SBNO2: variants seen among roughly 807,000 people sequenced by gnomAD.
The protein encoded by SBNO2 is protein strawberry notch homolog 2.
SBNO2 carries 89 observed loss-of-function variants against 146.3 expected under a neutral mutation model. That is an observed-to-expected ratio of 0.61 (90% confidence interval 0.51 to 0.73). SBNO2 has a LOEUF of 0.73. Among genes scored for constraint, SBNO2 ranks in the 30% least tolerant of loss-of-function variants. SBNO2 has a pLI of 0.00. For synonymous variants in SBNO2, 1,147 were observed against 892.6 expected, an observed-to-expected ratio of 1.29 and a Z score of -5.08; for missense variants, 2,092 against 2,003.7, an observed-to-expected ratio of 1.04 and a Z score of -0.84.
rs1046650758 is a variant in SBNO2 at position 1,112,658 on chromosome 19, C to T, written c.2380-121G>A. The T allele has an allele frequency of 6.2e-5, 90 of 1,445,378 alleles. No individual in the cohort carries two copies. The highest frequency in any genetic ancestry group is 7.9e-5 in the Non-Finnish European group (87 of 1,095,896). 89.5% of individuals were successfully genotyped at this position (1,445,378 alleles called of 1,614,324 possible). A position where few individuals can be genotyped will look rare whatever the true frequency, so the allele number is the denominator to read the frequency against. ...CAGGACGTCCCGGGGCAGCGAGAGG[C>T]CTGCGGGGCGCGGACACCACCCGCC... is the stretch of plus-strand genomic sequence containing the variant. On this transcript the variant is annotated intron_variant, in intron 20 of 31. Transcript: ENST00000361757. This position sits in a 1 kb window ranked among gnomAD's most constrained non-coding sequence, Gnocchi z 5.9.
chr19:1,115,158 G>A (rs993008318), intron 17 of SBNO2, among the ~76,000 whole-genome samples: 1 of 151,684 alleles, frequency 6.6e-6, no homozygotes, highest in Non-Finnish European at 1.5e-5. Context: ...TCAAACTCCT[G>A]GCCTCAGGTG....
intron 6 of SBNO2, 104 bp downstream of exon 6, chr19:1,123,838 T>C: frequency 7.8e-7 from 1 of 1,279,244 alleles, no homozygotes; most frequent in Non-Finnish European, 1.1e-6. Context: ...TCCCAGCTTC[T>C]AGGCCAGCCA....
rs1278929537 is a variant in SBNO2 at position 1,108,928 on chromosome 19, A to G, written c.3467T>C (p.Leu1156Pro). ...CRLAQEGKDCLQGLRLRHHYM... is the reference protein window; with the variant it reads ...CRLAQEGKDCPQGLRLRHHYM... Reference sequence around the variant, plus strand: ...GTGGTGCCGCAGCCGCAGCCCCTGCAGGCAGTCCTTACCCTCCTGCGCCAG... The same window carrying G: ...GTGGTGCCGCAGCCGCAGCCCCTGCGGGCAGTCCTTACCCTCCTGCGCCAG... Residue 1156 changes from leucine to proline, a missense_variant, in exon 31 of 32, where the codon CTG becomes CCG. Physicochemically the swap from Leu to Pro is moderately conservative, Grantham distance 98. Transcript: ENST00000361757. 1 of 1,572,486 alleles carries G rather than the reference A, an allele frequency of 6.4e-7. No individual in the cohort carries two copies. Among genetic ancestry groups the G allele is most frequent in the South Asian group, 1.1e-5 (1 of 87,926 alleles).
In SBNO2 at chr19:1,109,509, G is replaced by A. The variant is rs2079726751; in HGVS notation, c.3213C>T (p.Tyr1071=). The A allele has an allele frequency of 1.9e-6, 3 of 1,596,308 alleles. No individual in the cohort carries two copies. The highest frequency in any genetic ancestry group is 1.3e-5 in the African/African-American group (1 of 74,664). Residue 1071 remains tyrosine (Y), a synonymous_variant, in exon 28 of 32, where the codon TAC becomes TAT. Transcript: ENST00000361757. The surrounding 1 kb of genome is among the most constrained non-coding windows in gnomAD (Gnocchi z 4.2). ...TGPYDGFYLS[Y]KVRGNKPSCL... is the part of the protein sequence containing the mutation. ...GGGTAACCCCGCCCGACCCCACCTT[G>A]TAGGAGAGGTAGAAGCCGTCATAGG...
In SBNO2 at chr19:1,108,852, G is replaced by A; in HGVS notation, c.3543C>T (p.Val1181=). 9 of 1,597,804 alleles carry A rather than the reference G, an allele frequency of 5.6e-6. No homozygotes were observed. The highest frequency in any genetic ancestry group is 7.6e-6 in the Non-Finnish European group (9 of 1,177,780). Residue 1181 remains valine, a synonymous_variant, in exon 31 of 32, where the codon GTC becomes GTT. Coordinates refer to ENST00000361757, the MANE Select transcript of SBNO2 (RefSeq NM_014963.3). ...LLRVWGRIAA[V]MADVSSSSYL... ...AGCTGCTGCTGCTGACGTCGGCCAT[G>A]ACGGCGGCGATGCGGCCCCACACGC...
At chr19:1,152,258 G>A (rs111845504) in intron 2 of SBNO2, among the ~76,000 whole-genome samples, 1,673 of 152,306 alleles carry the variant, frequency 0.011, 13 homozygotes, top group Middle Eastern at 0.034. Context: ...TCGGATCCTT[G>A]AAGATGGCTC....
chr19:1,108,931 C>G lies in SBNO2; in HGVS notation c.3464G>C (p.Cys1155Ser). ...HCRLAQEGKD[C>S]LQGLRLRHHY... ...GTGCCGCAGCCGCAGCCCCTGCAGG[C>G]AGTCCTTACCCTCCTGCGCCAGCCG... Residue 1155 changes from cysteine (C) to serine (S), a missense_variant, in exon 31 of 32, where the codon TGC (cysteine) becomes TCC (serine). Cys to Ser is a moderately radical substitution (Grantham distance 112). Transcript: ENST00000361757. The G allele has an allele frequency of 6.4e-7, 1 of 1,568,956 alleles. No individual in the cohort carries two copies. The highest frequency in any genetic ancestry group is 8.6e-7 in the Non-Finnish European group (1 of 1,164,930).
rs111374841 is a variant in SBNO2 at position 1,172,333 on chromosome 19, G to C, written c.-127+1839C>G. ...CAGATCTCAAATTCGCCCTTTCTCG[G>C]CAAGAACTCTGAAGGTGGCCCGGAG... is the stretch of plus-strand genomic sequence containing the variant. On this transcript the variant is annotated intron_variant, in intron 1 of 31. Transcript: ENST00000361757. Among the ~76,000 whole-genome samples the C allele has an allele frequency of 3.6e-4, 55 of 152,286 alleles. No individual in the cohort carries two copies. The South Asian group carries it at 7.5e-3, about 21-fold the overall frequency.
At chr19:1,153,819 C>G (rs999344174) in intron 2 of SBNO2, among the ~76,000 whole-genome samples, 14 of 152,340 alleles carry the variant, frequency 9.2e-5, no homozygotes, top group African/African-American at 3.4e-4. Flanking sequence ...ATTACAAGCA[C>G]GAGCCACTTG....
chr19:1,149,829 C>T (rs2080226356), intron 2 of SBNO2, among the ~76,000 whole-genome samples: 1 of 152,170 alleles, frequency 6.6e-6, no homozygotes, highest in Non-Finnish European at 1.5e-5. Context: ...GAGGATCGGA[C>T]CGTTTGCGTG....
intron 13 of SBNO2, 67 bp downstream of exon 13, chr19:1,119,449 G>A: frequency 7.8e-7 from 1 of 1,283,812 alleles, no homozygotes; most frequent in Non-Finnish European, 1.1e-6. Flanking sequence ...CAGGCCTTGG[G>A]CTGATGGGCC....
At chr19:1,117,222 C>T (rs369741629) in intron 15 of SBNO2, 101 bp downstream of exon 15, 8 of 1,229,278 alleles carry the variant, frequency 6.5e-6, no homozygotes, top group South Asian at 3.1e-5. Context: ...GTGCAGCCCC[C>T]GCCCACGTCT....
At position 1,108,599 on chromosome 19, in the gene SBNO2, G is replaced by GGGGCGGGGCAGCCCA; in HGVS notation, c.3707_3721dup (p.Leu1236_Ala1240dup). On this transcript the variant is annotated inframe_insertion, in exon 32 of 32. Transcript: ENST00000361757. ...CAGCGCCAGCGGGCGCGGGGCGGGC[G>GGGGCGGGGCAGCCCA]GGGCGGGGCAGCCCAGGGCGGGCGC... The GGGGCGGGGCAGCCCA allele has an allele frequency of 7.5e-7, 1 of 1,326,430 alleles. No individual in the cohort carries two copies. Among genetic ancestry groups the GGGGCGGGGCAGCCCA allele is most frequent in the Middle Eastern group, 2.9e-4 (1 of 3,446 alleles). The allele number at this position is 1,326,430 out of a possible 1,614,324, so 82.2% of individuals were successfully genotyped here.
At chr19:1,129,799 C>A (rs2080007705) in intron 4 of SBNO2, among the ~76,000 whole-genome samples, 1 of 152,138 alleles carries the variant, frequency 6.6e-6, no homozygotes, top group Non-Finnish European at 1.5e-5. Context: ...GCAGGCAGAG[C>A]GGAGGAGAGC....
rs1328706407 is a variant in SBNO2, at chr19:1,112,737, T to C, written c.2379+81A>G. 4 of 1,482,704 alleles carry C rather than the reference T, an allele frequency of 2.7e-6. No homozygotes were observed. The African/African-American group carries it at 4.2e-5, about 16-fold the overall frequency. The allele number at this position is 1,482,704 out of a possible 1,614,324, so 91.8% of individuals were successfully genotyped here. A position where few individuals can be genotyped will look rare whatever the true frequency, so the allele number is the denominator to read the frequency against. ...CACACACACTCCAGAAGTGCGCGGG[T>C]CCACAGTCCCCGGGGACCCTTGGGC... On this transcript the variant is annotated intron_variant, in intron 20 of 31. Transcript: ENST00000361757. The surrounding 1 kb of genome is among the most constrained non-coding windows in gnomAD (Gnocchi z 5.9).
rs1286517288 is a variant in SBNO2, at chr19:1,157,769, G to A, written c.-126-3367C>T. Among the ~76,000 whole-genome samples, 2 of 152,240 alleles carry A rather than the reference G, an allele frequency of 1.3e-5. No individual in the cohort carries two copies. The highest frequency in any genetic ancestry group is 2.4e-5 in the African/African-American group (1 of 41,516). ...AGAACCTCAGACAGGACCAAGATCC[G>A]GGAGAATCCGAGGAACCGGGTAACT... On this transcript the variant is annotated intron_variant, in intron 1 of 31. Coordinates refer to ENST00000361757, the MANE Select transcript of SBNO2 (RefSeq NM_014963.3). This position sits in a 1 kb window ranked among gnomAD's most constrained non-coding sequence, Gnocchi z 6.8.
rs2079868699 is a variant in SBNO2 at position 1,119,173 on chromosome 19, G to A, written c.1374-9C>T. ...CCATGGCGCCAACGCCCCTGCGGAT[G>A]GACACAGCCCCCGTGAGCACGGCCA... On this transcript the variant is annotated splice_polypyrimidine_tract_variant and intron_variant, in intron 13 of 31. Coordinates refer to ENST00000361757, the MANE Select transcript of SBNO2 (RefSeq NM_014963.3). 6.3e-7 allele frequency: 1 copy of A among 1,589,874 alleles called. No individual in the cohort carries two copies. Among genetic ancestry groups the A allele is most frequent in the Non-Finnish European group, 8.5e-7 (1 of 1,170,778 alleles).
Position 1,173,117 on chromosome 19 carries a change from C to T in SBNO2, c.-127+1055G>A, listed in dbSNP as rs2080497517. ...GGCGCTGGGTGGGCTCTCCACAACG[C>T]CTGCCCCCCACGCCCCAGGTCAGTC... On this transcript the variant is annotated intron_variant, in intron 1 of 31. Transcript: ENST00000361757. The surrounding 1 kb of genome is among the most constrained non-coding windows in gnomAD (Gnocchi z 4.7). Among the ~76,000 whole-genome samples the T allele has an allele frequency of 6.6e-6, 1 of 152,140 alleles. No homozygotes were observed. The highest frequency in any genetic ancestry group is 2.1e-4 in the South Asian group (1 of 4,830).
chr19:1,113,378 G>A (rs1032849980), intron 19 of SBNO2, among the ~76,000 whole-genome samples, 157 bp downstream of exon 19: 8 of 152,174 alleles, frequency 5.3e-5, no homozygotes, highest in African/African-American at 1.7e-4. Flanking sequence ...TGGACAGCAC[G>A]CTGCTGCCCC....
Sources: allele counts gnomAD v4.1 joint callset (sites outside exome capture counted in the v4.1 genomes callset), GRCh38; gene constraint gnomAD v4.1.1; non-coding constraint Gnocchi (gnomAD v3.1); transcripts MANE v1.5; gene names NCBI Gene and HGNC (gene_info 2026-07-23, HGNC 2026-07-21).